Variants in MPPED2 observed in about 807,000 individuals in gnomAD.
The protein encoded by MPPED2 is metallophosphoesterase MPPED2.
Under a neutral mutation model 33.0 loss-of-function variants are expected in MPPED2, and 5 were observed. The ratio of observed to expected loss-of-function variants is 0.15; its 90% confidence interval spans 0.08 to 0.32. The LOEUF (loss-of-function observed/expected upper bound fraction) is 0.32, where lower values mean the gene tolerates loss of function less well. MPPED2 is among the 10% of genes least tolerant of loss of function. The pLI is 1.00. For synonymous variants in MPPED2, 136 were observed against 141.9 expected, an observed-to-expected ratio of 0.96 and a Z score of 0.29; for missense variants, 275 against 372.1, an observed-to-expected ratio of 0.74 and a Z score of 2.15.
chr11:30,397,622 C>T (rs116635130), intron 6 of MPPED2, among the ~76,000 whole-genome samples: 102 of 152,214 alleles, frequency 6.7e-4, no homozygotes, highest in African/African-American at 2.4e-3. Context: ...TCACATGTGT[C>T]AGGTACCATG....
chr11:30,552,288 T>A (rs1244989243), intron 2 of MPPED2, among the ~76,000 whole-genome samples: 1 of 152,228 alleles, frequency 6.6e-6, no homozygotes, highest in Non-Finnish European at 1.5e-5. Context: ...ATTTCCCCGA[T>A]CCACAAACGG....
chr11:30,425,156 C>T (rs977811967), intron 4 of MPPED2, among the ~76,000 whole-genome samples: 4 of 152,122 alleles, frequency 2.6e-5, no homozygotes, highest in African/African-American at 7.2e-5. Context: ...ACAAATTGTG[C>T]CTGAGGTGGT....
At chr11:30,531,111 A>G (rs982793454) in intron 3 of MPPED2, among the ~76,000 whole-genome samples, 4 of 152,238 alleles carry the variant, frequency 2.6e-5, no homozygotes, top group Non-Finnish European at 5.9e-5. Flanking sequence ...AAGCCTATTC[A>G]TGGCTTACCT....
intron 3 of MPPED2, among the ~76,000 whole-genome samples, chr11:30,502,555 C>T (rs1017808836): frequency 6.6e-6 from 1 of 152,176 alleles, no homozygotes. Context: ...ATGTGGGAGC[C>T]TACCCAGTGA....
intron 5 of MPPED2, among the ~76,000 whole-genome samples, chr11:30,415,035 T>G (rs1039061454): frequency 5.3e-5 from 8 of 152,198 alleles, no homozygotes; most frequent in African/African-American, 1.9e-4. Flanking sequence ...ATCTGGATGA[T>G]TATGGCCTGG....
At position 30,476,693 on chromosome 11, in the gene MPPED2, T is replaced by C. The variant is rs968531013; in HGVS notation, c.536+18603A>G. 5.3e-5 allele frequency among the ~76,000 whole-genome samples: 8 copies of C among 152,142 alleles called. No homozygotes were observed. The East Asian group carries it at 1.5e-3, about 29-fold the overall frequency. On this transcript the variant is annotated intron_variant, in intron 4 of 6. Coordinates refer to ENST00000358117, the MANE Select transcript of MPPED2 (RefSeq NM_001584.3). ...GATAGTACAGTCCATCAACTTTTAT[T>C]TTTTTATACTCACTTTGACTATTCG...
At chr11:30,511,440 C>A (rs944144962) in intron 3 of MPPED2, among the ~76,000 whole-genome samples, 4 of 152,150 alleles carry the variant, frequency 2.6e-5, no homozygotes, top group Non-Finnish European at 5.9e-5. Context: ...AAGAGAGTAA[C>A]AGAGAAAATT....
intron 3 of MPPED2, among the ~76,000 whole-genome samples, chr11:30,522,978 T>C (rs2134388613): frequency 6.6e-6 from 1 of 152,282 alleles, no homozygotes; most frequent in African/African-American, 2.4e-5. Flanking sequence ...ATCACTAGGG[T>C]CAAGTGATTA....
chr11:30,515,309 G>T (rs534781833), intron 3 of MPPED2, among the ~76,000 whole-genome samples: 1 of 152,230 alleles, frequency 6.6e-6, no homozygotes, highest in South Asian at 2.1e-4. Flanking sequence ...CCATAAGCAA[G>T]AAGGTGGTAG....
intron 2 of MPPED2, among the ~76,000 whole-genome samples, chr11:30,548,901 T>C (rs997605622): frequency 6.6e-6 from 1 of 152,186 alleles, no homozygotes; most frequent in African/African-American, 2.4e-5. Context: ...CACAGTTGTA[T>C]GAAGATTACT....
chr11:30,509,681 T>C (rs1335532394), intron 3 of MPPED2, among the ~76,000 whole-genome samples: 2 of 152,210 alleles, frequency 1.3e-5, no homozygotes, highest in Non-Finnish European at 2.9e-5. Context: ...AGGCCAGTTC[T>C]ATCCTTTTGC....
intron 4 of MPPED2, among the ~76,000 whole-genome samples, chr11:30,483,326 G>A (rs1478598600): frequency 6.6e-6 from 1 of 152,230 alleles, no homozygotes; most frequent in Non-Finnish European, 1.5e-5. Flanking sequence ...TTTAGCAACA[G>A]AAGCAGTAGC....
In MPPED2 at chr11:30,437,792, G is replaced by A. The variant is rs76638948; in HGVS notation, c.537-20159C>T. Among the ~76,000 whole-genome samples, 14 of 151,964 alleles carry A rather than the reference G, an allele frequency of 9.2e-5. No individual in the cohort carries two copies. In the East Asian group the frequency reaches 1.7e-3, roughly 19 times the overall value. On this transcript the variant is annotated intron_variant, in intron 4 of 6. Transcript: ENST00000358117. ...AAATCTGACCTCACCAAAGAATCCCGACTTGTTAACAAAATGTGCCTCCAG... is the reference window on the plus strand; with the variant it reads ...AAATCTGACCTCACCAAAGAATCCCAACTTGTTAACAAAATGTGCCTCCAG...
chr11:30,449,345 C>A (rs995447682), intron 4 of MPPED2, among the ~76,000 whole-genome samples: 17 of 152,154 alleles, frequency 1.1e-4, no homozygotes, highest in Non-Finnish European at 2.5e-4. Flanking sequence ...GAGCTGAAAG[C>A]AACGGAGAAT....
chr11:30,497,062 C>G (rs1309445057), intron 3 of MPPED2, among the ~76,000 whole-genome samples: 1 of 152,196 alleles, frequency 6.6e-6, no homozygotes, highest in African/African-American at 2.4e-5. Context: ...TCTTTGACTA[C>G]TAGCCCACAG....
chr11:30,468,256 A>ACACACACT (rs1408746552), intron 4 of MPPED2, among the ~76,000 whole-genome samples: 6 of 142,834 alleles, frequency 4.2e-5, no homozygotes, highest in East Asian at 2.0e-4. Flanking sequence ...ACACACACAC[A>ACACACACT]CTCTCTCTCT....
downstream of MPPED2, chr11:30,410,022 A>G (rs2133723194): frequency 2.5e-6 from 2 of 804,624 alleles, no homozygotes; most frequent in South Asian, 5.7e-5. Context: ...GCATGATGGA[A>G]GGAAAGAGTA....
intron 2 of MPPED2, among the ~76,000 whole-genome samples, chr11:30,539,904 AG>A (rs1251919402): frequency 6.6e-6 from 1 of 152,172 alleles, no homozygotes; most frequent in Non-Finnish European, 1.5e-5. Context: ...CTGAGATTAT[AG>A]GCGTGAGCCA....
At chr11:30,426,390 A>AT (rs34829065) in intron 4 of MPPED2, among the ~76,000 whole-genome samples, 44 of 152,048 alleles carry the variant, frequency 2.9e-4, no homozygotes, top group Admixed American at 9.8e-4. Flanking sequence ...TGCAGAATTC[A>AT]TTTTTTTTAT....
Sources: gnomAD v4.1 joint callset for allele counts (sites outside exome capture counted in the v4.1 genomes callset) on GRCh38, gnomAD v4.1.1 for gene constraint, MANE v1.5 for transcripts, NCBI Gene and HGNC (gene_info 2026-07-23, HGNC 2026-07-21) for gene names.